The following ASB10 variants were observed in gnomAD, a reference collection of about 807,000 sequenced individuals.
ASB10 encodes ankyrin repeat and SOCS box containing 10, also known as ankyrin repeat and SOCS box protein 10.
In ASB10, 44 loss-of-function variants were observed where a neutral mutation model predicts 35.4. That is an observed-to-expected ratio of 1.24 (90% CI 0.98 to 1.60). The LOEUF is 1.60. ASB10 is among the 40% of genes most tolerant of loss of function. ASB10 has a pLI of 0.00. For synonymous variants in ASB10, 294 were observed against 280.4 expected (o/e 1.05, Z -0.49); for missense variants, 647 against 634.3 (o/e 1.02, Z -0.22).
At chr7:151,184,190 G>T (rs922267664) in intron 2 of ASB10, among the ~76,000 whole-genome samples, 1 of 152,006 alleles carries the variant, frequency 6.6e-6, no homozygotes, top group Admixed American at 6.5e-5. Flanking sequence ...GAGGTGGGTG[G>T]ATCACAAGGT....
chr7:151,178,565 T>A (rs951427069), intron 3 of ASB10, among the ~76,000 whole-genome samples: 4 of 152,226 alleles, frequency 2.6e-5, no homozygotes, highest in African/African-American at 9.7e-5. Flanking sequence ...CTAAGTATTG[T>A]CTTTCAGGCA....
intron 2 of ASB10, among the ~76,000 whole-genome samples, chr7:151,184,345 G>A (rs1322384606): frequency 2.0e-5 from 3 of 151,588 alleles, no homozygotes; most frequent in East Asian, 2.0e-4. Flanking sequence ...CCCGGGAGGC[G>A]GAGCTTGCAG....
Position 151,184,681 on chromosome 7 carries a change from GAAC to G in ASB10, c.584+1708_584+1710del, listed in dbSNP as rs1177631086. Among the ~76,000 whole-genome samples, 3 of 152,072 alleles carry G rather than the reference GAAC, an allele frequency of 2.0e-5. No homozygotes were observed. In the East Asian group the frequency reaches 5.8e-4, roughly 29 times the overall value. Reference sequence around the variant, plus strand: ...TTGGAGATGGATGGTGGCGATGGTTGAACAACAACATGAATGTGCTTAATGCCA... The same window carrying G: ...TTGGAGATGGATGGTGGCGATGGTTGAACAACATGAATGTGCTTAATGCCA... On this transcript the variant is annotated intron_variant, in intron 2 of 5. Transcript: ENST00000420175.
intron 3 of ASB10, 27 bp from the exon 4 acceptor site, chr7:151,176,703 C>A: frequency 6.7e-7 from 1 of 1,482,682 alleles, no homozygotes; most frequent in Non-Finnish European, 9.2e-7. Context: ...CATGTTGGGT[C>A]CTCAGTCAGT....
At chr7:151,176,041 A>T in intron 5 of ASB10, 71 bp downstream of exon 5, 1 of 1,548,688 alleles carries the variant, frequency 6.5e-7, no homozygotes, top group South Asian at 1.2e-5. Flanking sequence ...GCCCTCCCCA[A>T]CCCTTCTCTT....
Position 151,186,542 on chromosome 7 carries a change from G to A in ASB10, c.434C>T (p.Ala145Val), listed in dbSNP as rs1246250359. The change falls in exon 2 of 6, where the codon GCC becomes GTC. Residue 145 changes from alanine (A) to valine (V), a missense_variant. Physicochemically the swap from Ala to Val is moderately conservative, Grantham distance 64. Transcript: ENST00000420175. The stretch of plus-strand genomic sequence containing the variant: ...GTGCAGGGCGGTGCGGCCCCCAGGG[G>A]CACTGTCTGGCCTTGCTCGCCGCCT... ...LLRRRARPDS[A>V]PGGRTALHEA... The A allele has an allele frequency of 3.7e-6, 6 of 1,603,914 alleles. No individual in the cohort carries two copies. The highest frequency in any genetic ancestry group is 1.7e-5 in the Admixed American group (1 of 58,646).
intron 2 of ASB10, among the ~76,000 whole-genome samples, chr7:151,182,230 G>A (rs540231287): frequency 4.1e-4 from 62 of 152,294 alleles, no homozygotes; most frequent in African/African-American, 1.4e-3. Context: ...GAGGAGGAAG[G>A]GGGCGTGGGG....
Position 151,186,405 on chromosome 7 carries a change from GC to G in ASB10, c.570del (p.Pro191LeufsTer45), listed in dbSNP as rs754054996. On this transcript the variant is annotated frameshift_variant, in exon 2 of 6. Coordinates refer to ENST00000420175, the MANE Select transcript of ASB10 (RefSeq NM_001142459.2). LOFTEE classifies it high-confidence loss of function. ...DGKRPLHLCR[G>X]PGTLECAELL... ...GGGGTCACTCACTCAAGGGTGCCAG[GC>G]CCCCGGCAGAGATGCAGGGGGCGTT... The G allele has an allele frequency of 2.3e-5, 36 of 1,586,214 alleles. No homozygotes were observed. The African/African-American group carries it at 4.6e-4, about 20-fold the overall frequency.
chr7:151,180,691 A>G (rs982592904), intron 3 of ASB10, among the ~76,000 whole-genome samples: 2 of 152,224 alleles, frequency 1.3e-5, no homozygotes, highest in African/African-American at 4.8e-5. Flanking sequence ...ACATACATGC[A>G]TGAACACATG....
rs145457165 is a variant in ASB10, at chr7:151,186,535, C to A, written c.441G>T (p.Gly147=). The change falls in exon 2 of 6, where the codon GGG becomes GGT. Residue 147 remains glycine (G), a synonymous_variant. Coordinates refer to ENST00000420175, the MANE Select transcript of ASB10 (RefSeq NM_001142459.2). ...AGGCCTCGTGCAGGGCGGTGCGGCC[C>A]CCAGGGGCACTGTCTGGCCTTGCTC... The part of the protein sequence containing the change: ...RRRARPDSAP[G]GRTALHEACA... 213 of 1,604,016 alleles carry A rather than the reference C, an allele frequency of 1.3e-4. No homozygotes were observed. The African/African-American group carries it at 2.7e-3, about 20-fold the overall frequency.
intron 3 of ASB10, among the ~76,000 whole-genome samples, chr7:151,180,384 T>G (rs939146626): frequency 2.0e-5 from 3 of 152,134 alleles, no homozygotes; most frequent in African/African-American, 7.2e-5. Context: ...CCTATTAGAT[T>G]CTCAGAAAGT....
At chr7:151,184,865 A>G (rs1302150084) in intron 2 of ASB10, among the ~76,000 whole-genome samples, 1 of 151,814 alleles carries the variant, frequency 6.6e-6, no homozygotes, top group Non-Finnish European at 1.5e-5. Context: ...TACTAAAAAT[A>G]CAAAAAATTA....
At chr7:151,183,866 G>A (rs993501799) in intron 2 of ASB10, among the ~76,000 whole-genome samples, 6 of 152,048 alleles carry the variant, frequency 3.9e-5, no homozygotes, top group Admixed American at 6.6e-5. Flanking sequence ...GATTACAGGC[G>A]TGAGCCACTG....
intron 3 of ASB10, among the ~76,000 whole-genome samples, chr7:151,178,603 C>G (rs1801431835): frequency 6.6e-6 from 1 of 152,240 alleles, no homozygotes; most frequent in African/African-American, 2.4e-5. Flanking sequence ...CACATGTGGC[C>G]AAACACAATT....
upstream of ASB10, chr7:151,187,650 G>A (rs1009585849): frequency 2.3e-5 from 35 of 1,526,044 alleles, no homozygotes; most frequent in East Asian, 3.7e-4. This position sits in a 1 kb window ranked among gnomAD's most constrained non-coding sequence, Gnocchi z 5.3. Flanking sequence ...CTCCAGATCC[G>A]GCAGGCCGGG....
Position 151,180,561 on chromosome 7 carries a change from C to T in ASB10, c.1104+378G>A, listed in dbSNP as rs1255075238. On this transcript the variant is annotated intron_variant, in intron 3 of 5. Coordinates refer to ENST00000420175, the MANE Select transcript of ASB10 (RefSeq NM_001142459.2). ...TCAGTTTGCTGTGCTGATGAAGACC[C>T]TTAAACAACGCCCACCACCCACATC... is the stretch of plus-strand genomic sequence containing the variant. Among the ~76,000 whole-genome samples the T allele has an allele frequency of 3.9e-5, 6 of 152,156 alleles. 1 individual carries two copies. The highest frequency in any genetic ancestry group is 3.9e-4 in the East Asian group (2 of 5,188).
chr7:151,181,815 T>C (rs1253584608), intron 2 of ASB10, among the ~76,000 whole-genome samples: 3 of 152,124 alleles, frequency 2.0e-5, no homozygotes, highest in African/African-American at 4.8e-5. Context: ...GGTTTCACCA[T>C]GTTTGCCAGG....
intron 2 of ASB10, among the ~76,000 whole-genome samples, chr7:151,184,233 G>C (rs1258031935): frequency 6.6e-6 from 1 of 151,940 alleles, no homozygotes; most frequent in Non-Finnish European, 1.5e-5. Flanking sequence ...CTAACACGGT[G>C]AAACCCCGTC....
In ASB10 at chr7:151,181,098, G is replaced by T; in HGVS notation, c.945C>A (p.Ser315=). Reference sequence around the variant, plus strand: ...CCATGGTGTTGGCGCTGACACCACAGGACAGGAGCAGCTCCACGACAGCTG... The same window carrying T: ...CCATGGTGTTGGCGCTGACACCACATGACAGGAGCAGCTCCACGACAGCTG... ...GHAAVVELLL[S]CGVSANTMDY... is the part of the protein sequence containing the mutation. The change falls in exon 3 of 6, where the codon TCC becomes TCA. Residue 315 remains serine, a synonymous_variant. Transcript: ENST00000420175. 6.2e-7 allele frequency: 1 copy of T among 1,612,416 alleles called. No individual in the cohort carries two copies. Among genetic ancestry groups the T allele is most frequent in the African/African-American group, 1.3e-5 (1 of 75,062 alleles).
Sources: gnomAD v4.1 joint callset for allele counts (sites outside exome capture counted in the v4.1 genomes callset) on GRCh38, gnomAD v4.1.1 for gene constraint, Gnocchi (gnomAD v3.1) non-coding constraint, MANE v1.5 for transcripts, NCBI Gene and HGNC (gene_info 2026-07-23, HGNC 2026-07-21) for gene names.